The following RSBN1 variants were observed in gnomAD, a reference collection of about 807,000 sequenced individuals.
The protein encoded by RSBN1 is lysine-specific demethylase 9.
Under a neutral mutation model 74.8 loss-of-function variants are expected in RSBN1, and 23 were observed. The ratio of observed to expected loss-of-function variants is 0.31; its 90% CI spans 0.22 to 0.44. RSBN1 has a LOEUF of 0.44. Among genes scored for constraint, RSBN1 ranks in the 20% least tolerant of loss-of-function variants. The pLI is 1.00. For synonymous variants in RSBN1, 407 were observed against 379.6 expected (o/e 1.07, Z -0.84); for missense variants, 808 against 1,020.9 (o/e 0.79, Z 2.84).
At chr1:113,767,232 A>T in intron 5 of RSBN1, 25 bp from the exon 6 acceptor site, 1 of 1,283,500 alleles carries the variant, frequency 7.8e-7, no homozygotes. Flanking sequence ...ATTAAGTTTC[A>T]GAGACAAACA....
chr1:113,811,652 G>T, intron 1 of RSBN1, 58 bp downstream of exon 1: 1 of 1,515,686 alleles, frequency 6.6e-7, no homozygotes. Context: ...CTAAAGATGC[G>T]GGATATCGGA....
At chr1:113,773,742 C>T (rs751681987) in intron 4 of RSBN1, among the ~76,000 whole-genome samples, 6 of 152,142 alleles carry the variant, frequency 3.9e-5, no homozygotes, top group African/African-American at 9.7e-5. Context: ...CAGTGGCTCA[C>T]GCCTGTAATC....
In RSBN1 at chr1:113,768,394, A is replaced by G. The variant is rs750128191; in HGVS notation, c.1659-5T>C. 2 of 1,581,788 alleles carry G rather than the reference A, an allele frequency of 1.3e-6. No individual in the cohort carries two copies. The highest frequency in any genetic ancestry group is 1.7e-6 in the Non-Finnish European group (2 of 1,163,034). ...TTTTTTATTTCATTCATTGATCTAGAGTTGATTTGGTTGTTAAACAAAGGG... is the reference window on the plus strand; with the variant it reads ...TTTTTTATTTCATTCATTGATCTAGGGTTGATTTGGTTGTTAAACAAAGGG... On this transcript the variant is annotated splice_polypyrimidine_tract_variant and splice_region_variant and intron_variant, in intron 4 of 6. Coordinates refer to ENST00000261441, the MANE Select transcript of RSBN1 (RefSeq NM_018364.5).
At chr1:113,795,849 T>C (rs576102544) in intron 2 of RSBN1, among the ~76,000 whole-genome samples, 112 of 152,316 alleles carry the variant, frequency 7.4e-4, no homozygotes, top group African/African-American at 2.5e-3. Context: ...CTTTAACTAA[T>C]ATGAATGTTA....
rs541452866 is a variant in RSBN1 at position 113,785,777 on chromosome 1, C to T, written c.1378-7969G>A. Among the ~76,000 whole-genome samples the T allele has an allele frequency of 5.3e-5, 8 of 152,300 alleles. No individual in the cohort carries two copies. The South Asian group carries it at 1.7e-3, about 32-fold the overall frequency. ...ACAAGTTCAGAGGGAAACAAAATCT[C>T]TTAAGCATTGCCCTTTCCAAGATCT... On this transcript the variant is annotated intron_variant, in intron 2 of 6. Transcript: ENST00000261441.
At position 113,811,702 on chromosome 1, in the gene RSBN1, GCT is replaced by G; in HGVS notation, c.703+6_703+7del. ...AGAACCCAAGCCGGGCAGTTTGCCT[GCT>G]CTCACCTCTCTTGGGGGCTTTGATC... On this transcript the variant is annotated splice_donor_region_variant and intron_variant, in intron 1 of 6. Coordinates refer to ENST00000261441, the MANE Select transcript of RSBN1 (RefSeq NM_018364.5). 6.4e-7 allele frequency: 1 copy of G among 1,573,432 alleles called. No individual in the cohort carries two copies. The highest frequency in any genetic ancestry group is 8.6e-7 in the Non-Finnish European group (1 of 1,156,226).
At chr1:113,799,127 T>A (rs1321200979) in intron 1 of RSBN1, among the ~76,000 whole-genome samples, 1 of 152,224 alleles carries the variant, frequency 6.6e-6, no homozygotes, top group Non-Finnish European at 1.5e-5. Context: ...CATTTTTATA[T>A]AAACATTAAT....
At chr1:113,791,593 G>GA (rs1660364784) in intron 2 of RSBN1, among the ~76,000 whole-genome samples, 1 of 151,982 alleles carries the variant, frequency 6.6e-6, no homozygotes, top group Admixed American at 6.6e-5. Flanking sequence ...ACACAGAAAG[G>GA]AAAAAATTAG....
At chr1:113,774,688 C>G (rs893182603) in intron 4 of RSBN1, among the ~76,000 whole-genome samples, 5 of 150,126 alleles carry the variant, frequency 3.3e-5, no homozygotes, top group Admixed American at 3.3e-4. Flanking sequence ...AAAACAACAA[C>G]AACAACAACA....
At chr1:113,795,220 G>T (rs1327455634) in intron 2 of RSBN1, among the ~76,000 whole-genome samples, 1 of 152,176 alleles carries the variant, frequency 6.6e-6, no homozygotes, top group African/African-American at 2.4e-5. Context: ...ACATTGTTCA[G>T]GTGGCCTGGG....
intron 1 of RSBN1, among the ~76,000 whole-genome samples, chr1:113,808,061 A>G (rs1376052633): frequency 1.3e-5 from 2 of 152,152 alleles, no homozygotes; most frequent in African/African-American, 2.4e-5. Context: ...TACACCGCTG[A>G]CAGGAATGTA....
chr1:113,788,026 A>C (rs181425890), intron 2 of RSBN1, among the ~76,000 whole-genome samples: 1 of 152,294 alleles, frequency 6.6e-6, no homozygotes, highest in Non-Finnish European at 1.5e-5. Flanking sequence ...AAGTATAATT[A>C]GTATCAGAGA....
chr1:113,812,295 G>A lies in RSBN1; in HGVS notation c.118C>T (p.Pro40Ser), dbSNP rs199770885. ...ARCADGGAVG[P>S]FKCVFVGEMA... ...TCACCCACAAACACACATTTAAATG[G>A]CCCGACCGCCCCCCCGTCCGCGCAT... The change falls in exon 1 of 7, where the codon CCA becomes TCA. Residue 40 changes from proline to serine, a missense_variant. This residue lies in a region of RSBN1 where 464 missense variants were observed against 401.0 expected (regional missense o/e 1.16). Transcript: ENST00000261441. The A allele has an allele frequency of 1.2e-6, 2 of 1,604,108 alleles. No homozygotes were observed. Among genetic ancestry groups the A allele is most frequent in the East Asian group, 2.2e-5 (1 of 44,838 alleles).
In RSBN1 at chr1:113,789,814, CA is replaced by C. The variant is rs547096807; in HGVS notation, c.1377+7548del. Among the ~76,000 whole-genome samples the C allele has an allele frequency of 3.0e-4, 46 of 152,206 alleles. No homozygotes were observed. The South Asian group carries it at 6.2e-3, about 21-fold the overall frequency. ...GAGAGCAGAGGAAAAGTAAAGTGTT[CA>C]AAAACAGTGATACAGCTGCCCAACA... On this transcript the variant is annotated intron_variant, in intron 2 of 6. Transcript: ENST00000261441.
At chr1:113,811,596 G>A (rs536429307) in intron 1 of RSBN1, 114 bp downstream of exon 1, 9 of 1,432,206 alleles carry the variant, frequency 6.3e-6, no homozygotes, top group Non-Finnish European at 8.2e-6. Flanking sequence ...TGAGCTTAGA[G>A]AAGTACAGCA....
intron 2 of RSBN1, 31 bp downstream of exon 2, chr1:113,797,332 T>TCCTA (rs1660491257): frequency 1.3e-6 from 1 of 761,356 alleles, no homozygotes; most frequent in Non-Finnish European, 2.0e-6. Flanking sequence ...GAATCGTATT[T>TCCTA]ACTAATTTTT....
chr1:113,811,505 G>A (rs1331610653), intron 1 of RSBN1, among the ~76,000 whole-genome samples: 1 of 152,230 alleles, frequency 6.6e-6, no homozygotes, highest in Non-Finnish European at 1.5e-5. Context: ...ATTAGCAACT[G>A]ACAGCTCGGC....
At chr1:113,779,679 A>G (rs1432215922) in intron 2 of RSBN1, among the ~76,000 whole-genome samples, 2 of 152,206 alleles carry the variant, frequency 1.3e-5, no homozygotes, top group African/African-American at 4.8e-5. Context: ...AAGTAGATTT[A>G]ACCTTCAGCA....
chr1:113,763,170 T>TTTA lies in RSBN1; in HGVS notation c.*2807_*2809dup. On this transcript the variant is annotated 3_prime_UTR_variant, in exon 7 of 7. Transcript: ENST00000261441. ...TTACTTCTGGGGCAAGAGGAAGACTTTTATGCTTTTTAATGAATACCATGA... is the reference window on the plus strand; with the variant it reads ...TTACTTCTGGGGCAAGAGGAAGACTTTTATTATGCTTTTTAATGAATACCATGA... 1 of 152,742 alleles carries TTTA rather than the reference T, an allele frequency of 6.5e-6. No homozygotes were observed. The allele number at this position is 152,742 out of a possible 1,614,324, so 9.5% of individuals were successfully genotyped here.
Sources: allele counts gnomAD v4.1 joint callset (sites outside exome capture counted in the v4.1 genomes callset), GRCh38; gene constraint gnomAD v4.1.1; regional missense constraint gnomAD v4.1.1; transcripts MANE v1.5; gene names NCBI Gene and HGNC (gene_info 2026-07-23, HGNC 2026-07-21).